Variants in POLR3G observed in about 807,000 individuals in gnomAD.
POLR3G encodes RNA polymerase III subunit G.
POLR3G carries 28 observed loss-of-function variants against 30.1 expected under a neutral mutation model. The observed-to-expected ratio is 0.93, with a 90% confidence interval of 0.69 to 1.27. POLR3G has a LOEUF of 1.27. POLR3G is among the 50% of genes most tolerant of loss of function. POLR3G has a pLI of 0.00. For missense variants in POLR3G, 254 were observed against 264.6 expected (o/e 0.96, Z 0.28); for synonymous variants, 79 against 82.5 (o/e 0.96, Z 0.23).
chr5:90,503,200 C>G (rs1051413337), intron 6 of POLR3G, among the ~76,000 whole-genome samples: 2 of 152,176 alleles, frequency 1.3e-5, no homozygotes, highest in Admixed American at 1.3e-4. Flanking sequence ...GAGTTCATAA[C>G]AACAAGGAGA....
At position 90,512,119 on chromosome 5, in the gene POLR3G, A is replaced by G; in HGVS notation, c.652A>G (p.Met218Val). 1.9e-6 allele frequency: 3 copies of G among 1,604,058 alleles called. No individual in the cohort carries two copies. The highest frequency in any genetic ancestry group is 2.6e-6 in the Non-Finnish European group (3 of 1,171,404). Residue 218 changes from methionine to valine, a missense_variant, in exon 8 of 8, where the codon ATG becomes GTG. By Grantham distance (21) the Met-to-Val change is conservative. Transcript: ENST00000651687. ...DDFGADSDDN[M>V]DEATY is the part of the protein sequence containing the mutation. ...TTTTGGCGCAGACAGTGATGACAAC[A>G]TGGATGAGGCAACCTATTAGGCATG... is the stretch of plus-strand genomic sequence containing the variant.
chr5:90,507,835 ATTGCT>A (rs1752562136), intron 7 of POLR3G, among the ~76,000 whole-genome samples: 1 of 151,924 alleles, frequency 6.6e-6, no homozygotes. Flanking sequence ...TTTTATTTCC[ATTGCT>A]CTCTGACATG....
intron 2 of POLR3G, among the ~76,000 whole-genome samples, chr5:90,486,601 C>T (rs978291343): frequency 2.6e-5 from 4 of 152,200 alleles, no homozygotes; most frequent in Non-Finnish European, 5.9e-5. Context: ...CTGGAACCAT[C>T]TCTTCTCTTT....
intron 1 of POLR3G, among the ~76,000 whole-genome samples, chr5:90,477,189 GAGAA>G (rs1561244752): frequency 6.6e-6 from 1 of 152,210 alleles, no homozygotes; most frequent in Non-Finnish European, 1.5e-5. Context: ...AATTGTCATG[GAGAA>G]AGTGTCATTT....
chr5:90,511,953 G>T (rs1752757988), intron 7 of POLR3G, 100 bp from the exon 8 acceptor site: 2 of 788,530 alleles, frequency 2.5e-6, no homozygotes, highest in Non-Finnish European at 2.1e-6. Flanking sequence ...AAACTGTTGT[G>T]TTTTTGAAGC....
intron 6 of POLR3G, among the ~76,000 whole-genome samples, chr5:90,506,184 G>A (rs992094557): frequency 1.3e-5 from 2 of 152,098 alleles, no homozygotes; most frequent in Admixed American, 6.6e-5. Flanking sequence ...AGCCGAGATC[G>A]TGGCACTGCA....
intron 3 of POLR3G, 47 bp from the exon 4 acceptor site, chr5:90,495,630 G>A (rs1273692780): frequency 1.3e-6 from 2 of 1,585,982 alleles, no homozygotes; most frequent in East Asian, 2.3e-5. Context: ...TAAGTTCAGG[G>A]TTACTGTTGA....
At chr5:90,490,478 G>A in intron 3 of POLR3G, 1 of 234,906 alleles carries the variant, frequency 4.3e-6, no homozygotes, top group South Asian at 4.5e-5. Context: ...ACTCACTGCA[G>A]CTTCCAAACT....
In POLR3G at chr5:90,502,762, G is replaced by T. The variant is rs574272616; in HGVS notation, c.438+774G>T. On this transcript the variant is annotated intron_variant, in intron 6 of 7. Transcript: ENST00000651687. ...TTTTATCACTTAACTGAATACCTTG[G>T]ATGTGGTTCCATATAAGTCTGTGTA... Among the ~76,000 whole-genome samples, 7 of 147,762 alleles carry T rather than the reference G, an allele frequency of 4.7e-5. No individual in the cohort carries two copies. The South Asian group carries it at 1.3e-3, about 27-fold the overall frequency.
At chr5:90,496,200 C>A (rs537397497) in intron 4 of POLR3G, among the ~76,000 whole-genome samples, 10 of 151,908 alleles carry the variant, frequency 6.6e-5, no homozygotes, top group Non-Finnish European at 1.3e-4. Flanking sequence ...CTTGATCTGA[C>A]CTCATGATCC....
At chr5:90,478,379 T>G (rs1462016925) in intron 1 of POLR3G, among the ~76,000 whole-genome samples, 1 of 152,014 alleles carries the variant, frequency 6.6e-6, no homozygotes, top group East Asian at 1.9e-4. Flanking sequence ...AAGACCTCCC[T>G]GGGATTAAAA....
intron 1 of POLR3G, among the ~76,000 whole-genome samples, chr5:90,475,425 T>A (rs1750748466): frequency 6.6e-6 from 1 of 152,088 alleles, no homozygotes; most frequent in African/African-American, 2.4e-5. Context: ...GAGTTGTTAA[T>A]ATGGTTTGTC....
intron 6 of POLR3G, among the ~76,000 whole-genome samples, chr5:90,505,303 G>T (rs984276868): frequency 1.3e-5 from 2 of 152,124 alleles, no homozygotes; most frequent in Non-Finnish European, 2.9e-5. Flanking sequence ...GGTGACTTAT[G>T]CCTTAATTAT....
upstream of POLR3G, chr5:90,474,027 G>A (rs772250604): frequency 1.3e-6 from 2 of 1,594,308 alleles, no homozygotes; most frequent in South Asian, 2.3e-5. Flanking sequence ...GAGGCCGCCG[G>A]AGTGGTCGAA....
upstream of POLR3G, chr5:90,474,373 C>CT (rs1308496206): frequency 2.3e-6 from 3 of 1,314,628 alleles, no homozygotes; most frequent in Non-Finnish European, 3.2e-6. Flanking sequence ...GGCACTGCGG[C>CT]TGTGTGAAGC....
chr5:90,476,658 A>G (rs1372911758), intron 1 of POLR3G, among the ~76,000 whole-genome samples: 1 of 152,222 alleles, frequency 6.6e-6, no homozygotes, highest in Admixed American at 6.5e-5. Flanking sequence ...GCCTTTTGCT[A>G]GGCTTTCGTT....
At chr5:90,496,139 T>G (rs1185073039) in intron 4 of POLR3G, among the ~76,000 whole-genome samples, 2 of 151,774 alleles carry the variant, frequency 1.3e-5, no homozygotes, top group South Asian at 2.1e-4. Context: ...GCCCAGCTAA[T>G]TTTTTGTATT....
chr5:90,495,624 T>G (rs527808291), intron 3 of POLR3G, 53 bp from the exon 4 acceptor site: 2 of 1,582,258 alleles, frequency 1.3e-6, no homozygotes, highest in South Asian at 2.3e-5. Context: ...ATGGCTTAAG[T>G]TCAGGGTTAC....
At chr5:90,490,357 C>G (rs1240802614) in intron 3 of POLR3G, among the ~76,000 whole-genome samples, 5 of 150,290 alleles carry the variant, frequency 3.3e-5, no homozygotes, top group Non-Finnish European at 7.4e-5. Flanking sequence ...TACATTCTCC[C>G]TGAGATCTTC....
Sources: allele counts gnomAD v4.1 joint callset (sites outside exome capture counted in the v4.1 genomes callset), GRCh38; gene constraint gnomAD v4.1.1; transcripts MANE v1.5; gene names NCBI Gene and HGNC (gene_info 2026-07-23, HGNC 2026-07-21).